The following UGT2B7 variants were observed in gnomAD, a reference collection of about 807,000 sequenced individuals.
UGT2B7 encodes the protein UDP-glucuronosyltransferase 2B7.
Under a neutral mutation model 51.9 loss-of-function variants are expected in UGT2B7, and 51 were observed. The ratio of observed to expected loss-of-function variants is 0.98; its 90% CI spans 0.78 to 1.24. The LOEUF is 1.24. Ranked by LOEUF, UGT2B7 falls within the 50% of genes most tolerant of loss-of-function variation. The pLI, the probability that UGT2B7 is intolerant of heterozygous loss-of-function variation, is 0.00. For missense variants in UGT2B7, 727 were observed against 628.4 expected, an observed-to-expected ratio of 1.16 and a Z score of -1.68; for synonymous variants, 225 against 211.6, an observed-to-expected ratio of 1.06 and a Z score of -0.55.
At chr4:69,096,460 T>A, upstream of UGT2B7, 2 of 1,605,556 alleles carry the variant, frequency 1.2e-6, no homozygotes, top group Non-Finnish European at 1.7e-6. Context: ...TCTTTGGACA[T>A]AACCATGAGA....
At chr4:69,075,575 T>G (rs755468648) in intron 1 of UGT2B7, among the ~76,000 whole-genome samples, 11 of 152,088 alleles carry the variant, frequency 7.2e-5, no homozygotes, top group Non-Finnish European at 1.5e-4. Flanking sequence ...ACCAAGTATG[T>G]AAATAAATGA....
upstream of UGT2B7, among the ~76,000 whole-genome samples, chr4:69,091,629 C>T (rs1029173183): frequency 5.3e-5 from 8 of 152,110 alleles, no homozygotes; most frequent in Non-Finnish European, 8.8e-5. Context: ...GTGAGCAGTG[C>T]GTCTGGGAGC....
intron 1 of UGT2B7, among the ~76,000 whole-genome samples, chr4:69,082,642 C>G (rs1222609222): frequency 6.6e-6 from 1 of 152,006 alleles, no homozygotes; most frequent in Non-Finnish European, 1.5e-5. Flanking sequence ...ATGTGGAAAG[C>G]TAGCAGACAT....
At chr4:69,091,543 A>C (rs895724690), upstream of UGT2B7, among the ~76,000 whole-genome samples, 3 of 152,140 alleles carry the variant, frequency 2.0e-5, no homozygotes, top group Non-Finnish European at 4.4e-5. Flanking sequence ...AAGCGTGGCC[A>C]TTCATATTTA....
chr4:69,064,043 A>T (rs969143890), intron 1 of UGT2B7, among the ~76,000 whole-genome samples: 1 of 101,768 alleles, frequency 9.8e-6, no homozygotes, highest in Non-Finnish European at 1.8e-5. Context: ...AAAGAAAGAA[A>T]GAAAGAAAGA....
intron 1 of UGT2B7, among the ~76,000 whole-genome samples, chr4:69,063,051 T>C (rs1577907772): frequency 6.6e-6 from 1 of 152,030 alleles, no homozygotes; most frequent in Middle Eastern, 3.4e-3. Context: ...ACACAGTAAT[T>C]GCTCACGCCT....
chr4:69,074,213 C>A (rs1718655622), intron 1 of UGT2B7, among the ~76,000 whole-genome samples: 1 of 151,874 alleles, frequency 6.6e-6, no homozygotes, highest in Non-Finnish European at 1.5e-5. Context: ...TGGTGTCATG[C>A]ACCTGTGGTC....
chr4:69,101,326 T>C (rs1364780846), intron 2 of UGT2B7, among the ~76,000 whole-genome samples: 3 of 152,008 alleles, frequency 2.0e-5, no homozygotes, highest in African/African-American at 4.8e-5. Flanking sequence ...ATAAAAATTT[T>C]AGAAAAATTT....
chr4:69,082,452 T>G (rs1002179639), intron 1 of UGT2B7, among the ~76,000 whole-genome samples: 1 of 151,828 alleles, frequency 6.6e-6, no homozygotes, highest in African/African-American at 2.4e-5. Flanking sequence ...GAAGTGTTAC[T>G]CCAGTGAATG....
intron 1 of UGT2B7, among the ~76,000 whole-genome samples, chr4:69,063,470 C>A (rs1253082931): frequency 6.6e-6 from 1 of 152,078 alleles, no homozygotes; most frequent in South Asian, 2.1e-4. Context: ...TACTTGAAAT[C>A]ATCACTAATG....
intron 1 of UGT2B7, among the ~76,000 whole-genome samples, chr4:69,069,220 G>A (rs907244709): frequency 2.6e-5 from 4 of 151,862 alleles, no homozygotes; most frequent in Admixed American, 6.6e-5. Context: ...CTTGGTCAGC[G>A]CCAACTTCTT....
intron 1 of UGT2B7, among the ~76,000 whole-genome samples, chr4:69,075,219 A>G (rs576413432): frequency 5.9e-5 from 9 of 152,254 alleles, no homozygotes; most frequent in African/African-American, 2.2e-4. Flanking sequence ...TGACATTCTT[A>G]TTAAACCGTG....
intron 1 of UGT2B7, among the ~76,000 whole-genome samples, chr4:69,081,927 A>G (rs936130611): frequency 6.6e-6 from 1 of 152,078 alleles, no homozygotes; most frequent in Non-Finnish European, 1.5e-5. Context: ...GCAATTGCAC[A>G]TCATGCAAGT....
intron 1 of UGT2B7, among the ~76,000 whole-genome samples, chr4:69,063,410 G>T (rs879748499): frequency 6.6e-6 from 1 of 151,890 alleles, no homozygotes; most frequent in African/African-American, 2.4e-5. Context: ...AGGTCAGGGG[G>T]TACTGTACCC....
chr4:69,089,583 T>G (rs1160310287), exon 2 of UGT2B7: 1 of 152,922 alleles, frequency 6.5e-6, no homozygotes, highest in African/African-American at 2.4e-5. Context: ...TGCTTCAGAC[T>G]TGGCCCAGAT....
chr4:69,101,639 T>C (rs562906460), intron 2 of UGT2B7, among the ~76,000 whole-genome samples: 1 of 100,914 alleles, frequency 9.9e-6, no homozygotes, highest in East Asian at 3.7e-4. Flanking sequence ...AGATTAAAAA[T>C]CATATTTTAA....
intron 1 of UGT2B7, among the ~76,000 whole-genome samples, chr4:69,053,570 A>G (rs1255626968): frequency 6.6e-6 from 1 of 152,174 alleles, no homozygotes; most frequent in Non-Finnish European, 1.5e-5. Context: ...CCAGGATTCT[A>G]CAGCCTGGAG....
At chr4:69,082,609 A>G (rs1718864652) in intron 1 of UGT2B7, among the ~76,000 whole-genome samples, 5 of 152,078 alleles carry the variant, frequency 3.3e-5, no homozygotes, top group Admixed American at 6.6e-5. Flanking sequence ...AGGCTGAAAT[A>G]CATGAGGGAG....
chr4:69,086,759 AT>A (rs1718969161), intron 1 of UGT2B7, among the ~76,000 whole-genome samples: 1 of 151,950 alleles, frequency 6.6e-6, no homozygotes, highest in African/African-American at 2.4e-5. Context: ...CTTAAAATAT[AT>A]TTTAACTAAG....
Sources: gnomAD v4.1 joint callset for allele counts (sites outside exome capture counted in the v4.1 genomes callset) on GRCh38, gnomAD v4.1.1 for gene constraint, MANE v1.5 for transcripts, NCBI Gene and HGNC (gene_info 2026-07-23, HGNC 2026-07-21) for gene names.